The following ERBB4 variants were observed in gnomAD, a reference collection of about 807,000 sequenced individuals.
ERBB4 encodes the protein erb-b2 receptor tyrosine kinase 4.
Under a neutral mutation model 158.0 loss-of-function variants are expected in ERBB4, and 42 were observed. The ratio of observed to expected loss-of-function variants is 0.27; its 90% CI spans 0.21 to 0.34. The LOEUF is 0.34. Among genes scored for constraint, ERBB4 ranks in the 10% least tolerant of loss-of-function variants. ERBB4 has a pLI of 1.00. For synonymous variants in ERBB4, 583 were observed against 558.7 expected, an observed-to-expected ratio of 1.04 and a Z score of -0.61; for missense variants, 1,333 against 1,624.1, an observed-to-expected ratio of 0.82 and a Z score of 3.08.
chr2:211,989,719 T>A (rs1321531364), intron 2 of ERBB4, among the ~76,000 whole-genome samples: 1 of 151,928 alleles, frequency 6.6e-6, no homozygotes, highest in Admixed American at 6.6e-5. Flanking sequence ...TGCAATCTAA[T>A]CATATTCCAT....
At chr2:211,736,707 A>T (rs2074613785) in intron 5 of ERBB4, among the ~76,000 whole-genome samples, 1 of 152,144 alleles carries the variant, frequency 6.6e-6, no homozygotes, top group African/African-American at 2.4e-5. Flanking sequence ...GAATTGTGCC[A>T]TTGAGACTGA....
chr2:211,592,975 T>C (rs1210706352), intron 19 of ERBB4, among the ~76,000 whole-genome samples: 5 of 147,804 alleles, frequency 3.4e-5, no homozygotes, highest in Non-Finnish European at 5.9e-5. Context: ...ATTGCACCAC[T>C]GCACTCCAGC....
chr2:211,595,794 C>T (rs1427187721), intron 19 of ERBB4, among the ~76,000 whole-genome samples: 2 of 152,074 alleles, frequency 1.3e-5, no homozygotes, highest in African/African-American at 4.8e-5. Context: ...GCAAATCATG[C>T]AGATATGAAA....
At chr2:212,179,123 A>T (rs2081771915) in intron 1 of ERBB4, among the ~76,000 whole-genome samples, 1 of 151,592 alleles carries the variant, frequency 6.6e-6, no homozygotes, top group Non-Finnish European at 1.5e-5. Context: ...ATTATACTGG[A>T]GTATGTAAAG....
chr2:211,861,124 T>TATATA (rs1553648445), intron 3 of ERBB4, among the ~76,000 whole-genome samples: 4 of 20,260 alleles, frequency 2.0e-4, no homozygotes, highest in African/African-American at 4.5e-4. Flanking sequence ...TATATATATT[T>TATATA]TATATATATA....
chr2:211,861,121 ATT>A (rs1159827957), intron 3 of ERBB4, among the ~76,000 whole-genome samples: 375 of 19,992 alleles, frequency 0.019, 46 homozygotes, highest in African/African-American at 0.084. Context: ...TTATATATAT[ATT>A]TTATATATAT....
rs533415005 is a variant in ERBB4 at position 211,839,991 on chromosome 2, TGGACA to T, written c.422-51837_422-51833del. On this transcript the variant is annotated intron_variant, in intron 3 of 27. Coordinates refer to ENST00000342788, the MANE Select transcript of ERBB4 (RefSeq NM_005235.3). Reference sequence around the variant, plus strand: ...GTGGGTATTCTCCAGTCCTGTTACATGGACAGGATGGAGGAATCATGAAGGAAAAA... The same window carrying T: ...GTGGGTATTCTCCAGTCCTGTTACATGGATGGAGGAATCATGAAGGAAAAA... Among the ~76,000 whole-genome samples the T allele has an allele frequency of 9.6e-4, 146 of 152,224 alleles. 1 individual carries two copies. The South Asian group carries it at 0.011, about 11-fold the overall frequency.
rs775987436 is a variant in ERBB4 at position 211,630,542 on chromosome 2, C to G, written c.1999G>C (p.Val667Leu). The G allele has an allele frequency of 6.2e-7, 1 of 1,613,310 alleles. No individual in the cohort carries two copies. The highest frequency in any genetic ancestry group is 1.3e-5 in the African/African-American group (1 of 74,726). The change falls in exon 17 of 28, where the codon GTG becomes CTG. Residue 667 changes from valine (V) to leucine (L), a missense_variant. Physicochemically the swap from Val to Leu is conservative, Grantham distance 32. Around this residue, in one of 5 missense-constraint regions of ERBB4, gnomAD observed 245 missense variants for 247.5 expected, o/e 0.99. Transcript: ENST00000342788. ...VIGGLFILVI[V>L]GLTFAVYVRR... Reference sequence around the variant, plus strand: ...ACATAAACAGCAAATGTCAGACCCACAATGACCAGAATGAAGAGCCCACCA... The same window carrying G: ...ACATAAACAGCAAATGTCAGACCCAGAATGACCAGAATGAAGAGCCCACCA...
chr2:212,183,487 T>C (rs1223321088), intron 1 of ERBB4, among the ~76,000 whole-genome samples: 1 of 151,994 alleles, frequency 6.6e-6, no homozygotes, highest in Non-Finnish European at 1.5e-5. Flanking sequence ...AAATCAATGA[T>C]GAGATATCAC....
At chr2:211,391,988 A>G (rs986054661) in intron 25 of ERBB4, among the ~76,000 whole-genome samples, 1 of 152,182 alleles carries the variant, frequency 6.6e-6, no homozygotes, top group Non-Finnish European at 1.5e-5. Flanking sequence ...TAAGATTACA[A>G]TTTCTAGGTT....
chr2:211,661,044 G>A (rs956085514), intron 15 of ERBB4, among the ~76,000 whole-genome samples: 1 of 152,090 alleles, frequency 6.6e-6, no homozygotes, highest in Non-Finnish European at 1.5e-5. Context: ...AGAGGCTGGG[G>A]AAAGAGCGGG....
intron 3 of ERBB4, among the ~76,000 whole-genome samples, chr2:211,845,421 T>C (rs11892696): frequency 0.22 from 33,308 of 152,042 alleles, 3,772 homozygotes; most frequent in South Asian, 0.33. Flanking sequence ...TGGCTGAGTA[T>C]TATTCCCAGA....
At chr2:211,707,804 T>G (rs894833916) in intron 9 of ERBB4, among the ~76,000 whole-genome samples, 7 of 152,142 alleles carry the variant, frequency 4.6e-5, no homozygotes, top group Admixed American at 4.6e-4. Context: ...CAATTAACTT[T>G]CTTGAGCCTA....
intron 2 of ERBB4, among the ~76,000 whole-genome samples, chr2:212,097,754 C>T (rs1261129331): frequency 6.6e-6 from 1 of 152,124 alleles, no homozygotes; most frequent in African/African-American, 2.4e-5. Context: ...TGGTCAGCAA[C>T]ATCAAATGTT....
intron 3 of ERBB4, among the ~76,000 whole-genome samples, chr2:211,924,514 A>T (rs1048387137): frequency 6.6e-6 from 1 of 152,188 alleles, no homozygotes; most frequent in Non-Finnish European, 1.5e-5. Flanking sequence ...TTATTTGAAT[A>T]ATCTGTATAA....
At chr2:212,532,347 T>C (rs1692798753) in intron 1 of ERBB4, among the ~76,000 whole-genome samples, 2 of 152,244 alleles carry the variant, frequency 1.3e-5, no homozygotes, top group Admixed American at 6.5e-5. Context: ...GCCTCAAAGC[T>C]GCCTCCTCCC....
chr2:211,747,685 AAGTT>A (rs1405832707), intron 5 of ERBB4, among the ~76,000 whole-genome samples: 2 of 152,178 alleles, frequency 1.3e-5, no homozygotes, highest in Non-Finnish European at 2.9e-5. Context: ...ATTTCAATCA[AAGTT>A]AGGGAAAACC....
At chr2:211,436,359 A>T (rs1456343264) in intron 20 of ERBB4, among the ~76,000 whole-genome samples, 1 of 152,154 alleles carries the variant, frequency 6.6e-6, no homozygotes, top group Non-Finnish European at 1.5e-5. Flanking sequence ...GTAGGAGTGT[A>T]GATTCTGTGG....
chr2:211,663,532 T>C (rs1326521442), intron 15 of ERBB4, among the ~76,000 whole-genome samples: 3 of 152,162 alleles, frequency 2.0e-5, no homozygotes, highest in Non-Finnish European at 4.4e-5. Flanking sequence ...CCAGATTTTG[T>C]TGCTACCATA....
Sources: allele counts gnomAD v4.1 joint callset (sites outside exome capture counted in the v4.1 genomes callset), GRCh38; gene constraint gnomAD v4.1.1; regional missense constraint gnomAD v4.1.1; transcripts MANE v1.5; gene names NCBI Gene and HGNC (gene_info 2026-07-23, HGNC 2026-07-21).